Variants in ANK3 observed in about 807,000 individuals in gnomAD.
ANK3 encodes the protein ankyrin-3.
Under a neutral mutation model 370.9 loss-of-function variants are expected in ANK3, and 57 were observed. The observed-to-expected ratio is 0.15, with a 90% CI of 0.12 to 0.19. ANK3 has a LOEUF of 0.19. ANK3 is among the 10% of genes least tolerant of loss of function. ANK3 has a pLI of 1.00. For synonymous variants in ANK3, 1,929 were observed against 1,946.3 expected, an observed-to-expected ratio of 0.99 and a Z score of 0.23; for missense variants, 4,439 against 5,302.1, an observed-to-expected ratio of 0.84 and a Z score of 5.06.
At chr10:60,514,115 TTATTA>T (rs1281132419) in intron 2 of ANK3, among the ~76,000 whole-genome samples, 1 of 152,152 alleles carries the variant, frequency 6.6e-6, no homozygotes, top group Non-Finnish European at 1.5e-5. Flanking sequence ...GTAGCTTCCT[TTATTA>T]TAAGAACACA....
intron 29 of ANK3, 66 bp downstream of exon 29, chr10:60,088,081 A>C (rs2087157193): frequency 1.5e-6 from 2 of 1,327,194 alleles, no homozygotes; most frequent in African/African-American, 2.9e-5. Context: ...AACTCTTTCC[A>C]GAGCAAAACA....
At position 60,075,983 on chromosome 10, in the gene ANK3, A is replaced by G; in HGVS notation, c.4898T>C (p.Leu1633Pro). 1 of 1,614,174 alleles carries G rather than the reference A, an allele frequency of 6.2e-7. No individual in the cohort carries two copies. Among genetic ancestry groups the G allele is most frequent in the Non-Finnish European group, 8.5e-7 (1 of 1,180,008 alleles). Reference protein sequence around the residue: ...RTSPVTTAGSLLERSSITMTP... With the variant: ...RTSPVTTAGSPLERSSITMTP... ...CATAGTAATTGATGACCTCTCCAAAAGAGACCCTGCTGTAGTCACTGGAGA... is the reference window on the plus strand; with the variant it reads ...CATAGTAATTGATGACCTCTCCAAAGGAGACCCTGCTGTAGTCACTGGAGA... The change falls in exon 37 of 44, where the codon CTT becomes CCT. Residue 1633 changes from leucine (L) to proline (P), a missense_variant. Leu to Pro is a moderately conservative substitution (Grantham distance 98). This residue lies in a region of ANK3 where 679 missense variants were observed against 791.0 expected (regional missense o/e 0.86). Coordinates refer to ENST00000280772, the MANE Select transcript of ANK3 (RefSeq NM_020987.5).
chr10:60,549,690 A>C (rs915893808), intron 2 of ANK3, among the ~76,000 whole-genome samples: 2 of 152,178 alleles, frequency 1.3e-5, no homozygotes, highest in Non-Finnish European at 2.9e-5. Flanking sequence ...GGAGGAATGG[A>C]AATTATATGT....
At chr10:60,537,819 A>T (rs2076758090) in intron 2 of ANK3, among the ~76,000 whole-genome samples, 2 of 151,952 alleles carry the variant, frequency 1.3e-5, no homozygotes, top group African/African-American at 2.4e-5. Flanking sequence ...ACTTAAAAAA[A>T]ATCTGAATCT....
At chr10:60,574,294 G>A (rs146717754) in intron 2 of ANK3, among the ~76,000 whole-genome samples, 1 of 152,138 alleles carries the variant, frequency 6.6e-6, no homozygotes, top group Non-Finnish European at 1.5e-5. Flanking sequence ...CAAGTGACAC[G>A]CTCAGAGAGC....
At chr10:60,076,867 T>G (rs976447813) in intron 36 of ANK3, among the ~76,000 whole-genome samples, 1 of 152,210 alleles carries the variant, frequency 6.6e-6, no homozygotes, top group Admixed American at 6.5e-5. Flanking sequence ...CCTGTATAGG[T>G]ACATGTTTGT....
intron 27 of ANK3, among the ~76,000 whole-genome samples, chr10:60,107,219 A>G (rs916506295): frequency 1.3e-5 from 2 of 152,236 alleles, no homozygotes; most frequent in African/African-American, 4.8e-5. Flanking sequence ...ATAGGTAGAA[A>G]CAAAATCAAG....
In ANK3 at chr10:60,073,095, G is replaced by A. The variant is rs2083071798; in HGVS notation, c.7786C>T (p.Arg2596Cys). The A allele has an allele frequency of 2.5e-6, 4 of 1,613,888 alleles. No homozygotes were observed. The highest frequency in any genetic ancestry group is 2.2e-5 in the East Asian group (1 of 44,866). The change falls in exon 37 of 44, where the codon CGT becomes TGT. Residue 2596 changes from arginine to cysteine, a missense_variant. By Grantham distance (180) the Arg-to-Cys change is radical. Transcript: ENST00000280772. Reference protein sequence around the residue: ...EKLTEVSQFFRDKTEKLNDEL... With the variant: ...EKLTEVSQFFCDKTEKLNDEL... Reference sequence around the variant, plus strand: ...TCATTTAGCTTTTCAGTTTTGTCACGAAAAAACTGTGACACTTCAGTCAGT... The same window carrying A: ...TCATTTAGCTTTTCAGTTTTGTCACAAAAAAACTGTGACACTTCAGTCAGT...
intron 2 of ANK3, among the ~76,000 whole-genome samples, chr10:60,512,056 A>T (rs1388280104): frequency 6.6e-6 from 1 of 152,074 alleles, no homozygotes; most frequent in Non-Finnish European, 1.5e-5. Context: ...TTTCCTGGAC[A>T]AGAGGCACAC....
chr10:60,686,354 C>A (rs2079268156), intron 1 of ANK3, among the ~76,000 whole-genome samples: 1 of 151,954 alleles, frequency 6.6e-6, no homozygotes, highest in Non-Finnish European at 1.5e-5. Flanking sequence ...ATTTCACAAC[C>A]AAAAATTGAC....
At chr10:60,467,566 A>T (rs1382721765) in intron 2 of ANK3, among the ~76,000 whole-genome samples, 1 of 152,230 alleles carries the variant, frequency 6.6e-6, no homozygotes, top group South Asian at 2.1e-4. Context: ...ATTTAGCCAC[A>T]GGCTGGCACT....
chr10:60,279,785 C>A, intron 1 of ANK3, 146 bp from the exon 2 acceptor site: 1 of 676,668 alleles, frequency 1.5e-6, no homozygotes, highest in Non-Finnish European at 2.4e-6. Flanking sequence ...GTAAAAAGAA[C>A]CAAGAAAAGG....
chr10:60,377,679 A>G (rs1399624747), intron 1 of ANK3, among the ~76,000 whole-genome samples: 1 of 152,242 alleles, frequency 6.6e-6, no homozygotes, highest in Admixed American at 6.5e-5. Flanking sequence ...CTCCAAATGC[A>G]TGAATCTTAT....
intron 1 of ANK3, among the ~76,000 whole-genome samples, chr10:60,328,518 C>A (rs182029720): frequency 1.3e-5 from 2 of 152,120 alleles, no homozygotes; most frequent in African/African-American, 2.4e-5. Flanking sequence ...TACCTCTACA[C>A]AAATAAACTA....
intron 7 of ANK3, among the ~76,000 whole-genome samples, chr10:60,241,036 CACT>C (rs1313116697): frequency 6.6e-6 from 1 of 152,136 alleles, no homozygotes; most frequent in Non-Finnish European, 1.5e-5. Context: ...ATTTGCAGCC[CACT>C]ACCACCATCT....
At chr10:60,263,313 C>T (rs142739075) in intron 6 of ANK3, among the ~76,000 whole-genome samples, 351 of 152,264 alleles carry the variant, frequency 2.3e-3, no homozygotes, top group African/African-American at 7.7e-3. Context: ...TGATGGGCTA[C>T]GCAACGGCCT....
intron 2 of ANK3, among the ~76,000 whole-genome samples, chr10:60,586,312 G>A (rs1030057023): frequency 2.6e-5 from 4 of 152,134 alleles, no homozygotes; most frequent in East Asian, 1.9e-4. Flanking sequence ...GAGTCTAATC[G>A]AGAAATTTCT....
At chr10:60,104,880 G>A (rs191161051) in intron 28 of ANK3, among the ~76,000 whole-genome samples, 2 of 152,124 alleles carry the variant, frequency 1.3e-5, no homozygotes, top group South Asian at 2.1e-4. Flanking sequence ...AATAACCATA[G>A]GAAGTTAGGA....
chr10:60,521,952 G>T (rs540615545), intron 2 of ANK3, among the ~76,000 whole-genome samples: 1 of 152,230 alleles, frequency 6.6e-6, no homozygotes, highest in East Asian at 1.9e-4. Context: ...ATTTAAGCAT[G>T]GAGGGATGGA....
Sources: allele counts gnomAD v4.1 joint callset (sites outside exome capture counted in the v4.1 genomes callset), GRCh38; gene constraint gnomAD v4.1.1; regional missense constraint gnomAD v4.1.1; transcripts MANE v1.5; gene names NCBI Gene and HGNC (gene_info 2026-07-23, HGNC 2026-07-21).